Variants in DLG1 observed in about 807,000 individuals in gnomAD.
DLG1 encodes disks large homolog 1.
In DLG1, 42 loss-of-function variants were observed where a neutral mutation model predicts 123.4. That is an observed-to-expected ratio of 0.34 (90% confidence interval 0.27 to 0.44). DLG1 has a LOEUF of 0.44. Among genes scored for constraint, DLG1 ranks in the 20% least tolerant of loss-of-function variants. The pLI is 1.00. For synonymous variants in DLG1, 317 were observed against 356.2 expected, an observed-to-expected ratio of 0.89 and a Z score of 1.24; for missense variants, 942 against 1,082.6, an observed-to-expected ratio of 0.87 and a Z score of 1.82.
At chr3:197,288,106 C>T (rs766956713) in intron 3 of DLG1, among the ~76,000 whole-genome samples, 1 of 151,992 alleles carries the variant, frequency 6.6e-6, no homozygotes, top group Admixed American at 6.5e-5. Context: ...TGGCTCACAC[C>T]TGTAATCCCA....
chr3:197,209,218 CTG>C (rs1203688198), intron 4 of DLG1, among the ~76,000 whole-genome samples: 1 of 146,122 alleles, frequency 6.8e-6, no homozygotes, highest in East Asian at 2.0e-4. Context: ...GGTATATAAA[CTG>C]TAAGCATAAG....
At chr3:197,125,118 T>C (rs887150895) in intron 11 of DLG1, among the ~76,000 whole-genome samples, 4 of 152,060 alleles carry the variant, frequency 2.6e-5, no homozygotes, top group Admixed American at 1.3e-4. Flanking sequence ...TATCTGAAAG[T>C]GGAAAAATAA....
intron 4 of DLG1, among the ~76,000 whole-genome samples, chr3:197,278,892 CAA>C (rs1767855678): frequency 6.6e-6 from 1 of 152,108 alleles, no homozygotes; most frequent in African/African-American, 2.4e-5. Context: ...AACATGAAGT[CAA>C]AGAGGCATGT....
At chr3:197,207,597 G>A (rs1729245001) in intron 4 of DLG1, among the ~76,000 whole-genome samples, 1 of 152,124 alleles carries the variant, frequency 6.6e-6, no homozygotes, top group African/African-American at 2.4e-5. Context: ...GAGTAAGTGT[G>A]CACAATCTTC....
chr3:197,143,190 C>G (rs917065104), intron 6 of DLG1, among the ~76,000 whole-genome samples: 1 of 152,200 alleles, frequency 6.6e-6, no homozygotes, highest in Non-Finnish European at 1.5e-5. Flanking sequence ...TCAATGCAGT[C>G]TGCCTAATCG....
chr3:197,170,815 T>A (rs139653524), intron 5 of DLG1, among the ~76,000 whole-genome samples: 2 of 152,348 alleles, frequency 1.3e-5, no homozygotes, highest in African/African-American at 4.8e-5. Context: ...TGTTCCTATA[T>A]CCAGAATGGT....
chr3:197,235,654 T>G (rs1745593597), intron 4 of DLG1, among the ~76,000 whole-genome samples: 1 of 152,206 alleles, frequency 6.6e-6, no homozygotes, highest in Non-Finnish European at 1.5e-5. Context: ...TGCAAATGAC[T>G]TAATTGCCTT....
intron 4 of DLG1, among the ~76,000 whole-genome samples, chr3:197,207,210 G>A (rs535270128): frequency 2.4e-4 from 36 of 152,130 alleles, no homozygotes; most frequent in African/African-American, 8.2e-4. Flanking sequence ...TGCTCTTTAC[G>A]CAAAGTTACA....
At chr3:197,216,740 T>G (rs1227505567) in intron 4 of DLG1, among the ~76,000 whole-genome samples, 1 of 152,192 alleles carries the variant, frequency 6.6e-6, no homozygotes, top group Non-Finnish European at 1.5e-5. Context: ...GTGGTAGGAA[T>G]CCTTCTGAAA....
intron 5 of DLG1, among the ~76,000 whole-genome samples, chr3:197,184,642 T>TA (rs1714710454): frequency 1.3e-5 from 2 of 152,334 alleles, no homozygotes; most frequent in Non-Finnish European, 1.5e-5. Flanking sequence ...ACCTTTATGA[T>TA]AAAAAAGAAC....
At chr3:197,157,532 A>G (rs985129415) in intron 5 of DLG1, among the ~76,000 whole-genome samples, 1 of 152,210 alleles carries the variant, frequency 6.6e-6, no homozygotes, top group Non-Finnish European at 1.5e-5. Context: ...AACATGTATG[A>G]AAGAAATTAA....
intron 4 of DLG1, among the ~76,000 whole-genome samples, chr3:197,254,042 A>G (rs1755728573): frequency 6.6e-6 from 1 of 152,192 alleles, no homozygotes; most frequent in African/African-American, 2.4e-5. Context: ...ACAAGCCTAG[A>G]CTCAGGTGGG....
At chr3:197,205,162 C>T (rs1727850117) in intron 4 of DLG1, among the ~76,000 whole-genome samples, 1 of 152,032 alleles carries the variant, frequency 6.6e-6, no homozygotes, top group South Asian at 2.1e-4. Context: ...AGAAGTAAAG[C>T]CTGGATTAGG....
At chr3:197,249,288 A>AT (rs762623911) in intron 4 of DLG1, among the ~76,000 whole-genome samples, 147 of 152,226 alleles carry the variant, frequency 9.7e-4, no homozygotes, top group Non-Finnish European at 1.8e-3. Context: ...ATGCCAACAA[A>AT]TTTAAAAACT....
chr3:197,079,306 T>C (rs1243077801), intron 17 of DLG1, among the ~76,000 whole-genome samples: 1 of 152,188 alleles, frequency 6.6e-6, no homozygotes, highest in African/African-American at 2.4e-5. Context: ...TTAGACATGT[T>C]AATGAGAAAC....
At chr3:197,070,613 G>GCT (rs1443566461) in intron 18 of DLG1, 1 of 122,670 alleles carries the variant, frequency 8.2e-6, no homozygotes, top group African/African-American at 2.9e-5. Flanking sequence ...TGTTGCCCAG[G>GCT]CTGGAGTGCA....
intron 24 of DLG1, among the ~76,000 whole-genome samples, chr3:197,045,357 A>G (rs567266756): frequency 1.6e-4 from 24 of 152,208 alleles, no homozygotes; most frequent in Non-Finnish European, 3.2e-4. Flanking sequence ...GAGGTCTGTG[A>G]GGGATTAGTT....
intron 5 of DLG1, among the ~76,000 whole-genome samples, chr3:197,173,323 G>A (rs1805239577): frequency 6.6e-6 from 1 of 152,250 alleles, no homozygotes; most frequent in South Asian, 2.1e-4. Context: ...CCTCACTGAT[G>A]TAATTAATGT....
chr3:197,083,998 CCTAT>C (rs1752724944), intron 16 of DLG1, among the ~76,000 whole-genome samples: 1 of 151,832 alleles, frequency 6.6e-6, no homozygotes, highest in African/African-American at 2.4e-5. Flanking sequence ...TACCTACCTA[CCTAT>C]CTACCTATAT....
Sources: gnomAD v4.1 joint callset for allele counts (sites outside exome capture counted in the v4.1 genomes callset) on GRCh38, gnomAD v4.1.1 for gene constraint, MANE v1.5 for transcripts, NCBI Gene and HGNC (gene_info 2026-07-23, HGNC 2026-07-21) for gene names.